Variants in KALRN observed in about 807,000 individuals in gnomAD.
The protein encoded by KALRN is kalirin RhoGEF kinase.
In KALRN, 70 loss-of-function variants were observed where a neutral mutation model predicts 353.7. That is an observed-to-expected ratio of 0.20 (90% CI 0.16 to 0.24). The LOEUF is 0.24. Ranked by LOEUF, KALRN falls within the 10% of genes least tolerant of loss-of-function variation. KALRN has a pLI of 1.00. For synonymous variants in KALRN, 1,391 were observed against 1,434.8 expected (o/e 0.97, Z 0.69); for missense variants, 2,791 against 3,756.7 (o/e 0.74, Z 6.72).
intron 1 of KALRN, among the ~76,000 whole-genome samples, chr3:124,062,014 T>A (rs562905947): frequency 1.1e-4 from 16 of 152,312 alleles, no homozygotes; most frequent in Middle Eastern, 3.4e-3. Context: ...GGGAGCTTGT[T>A]AGAAATGCAG....
chr3:124,680,378 T>C (rs1482731090), intron 51 of KALRN, among the ~76,000 whole-genome samples: 1 of 152,242 alleles, frequency 6.6e-6, no homozygotes. Flanking sequence ...ACAACCATGA[T>C]AAATTTACAA....
chr3:124,468,556 A>G (rs756564900), intron 25 of KALRN, among the ~76,000 whole-genome samples: 1 of 152,172 alleles, frequency 6.6e-6, no homozygotes, highest in South Asian at 2.1e-4. Context: ...CCCCACTCCA[A>G]ATGCCTTTGG....
At chr3:124,313,364 C>A (rs1423823976) in intron 6 of KALRN, among the ~76,000 whole-genome samples, 1 of 152,158 alleles carries the variant, frequency 6.6e-6, no homozygotes, top group Non-Finnish European at 1.5e-5. Context: ...CCTGTGATTG[C>A]AAAGTACTGC....
intron 1 of KALRN, among the ~76,000 whole-genome samples, chr3:124,093,252 G>A (rs2061231923): frequency 6.6e-6 from 1 of 152,248 alleles, no homozygotes; most frequent in Non-Finnish European, 1.5e-5. Context: ...AAGAGCTGGT[G>A]CTGAGGGAGA....
chr3:124,417,907 G>A (rs1362912627), intron 14 of KALRN, among the ~76,000 whole-genome samples: 2 of 152,224 alleles, frequency 1.3e-5, no homozygotes, highest in Admixed American at 1.3e-4. Flanking sequence ...GCATTCTGTT[G>A]AAGTTATTTG....
intron 57 of KALRN, among the ~76,000 whole-genome samples, chr3:124,707,789 T>A (rs1361668720): frequency 6.6e-6 from 1 of 152,096 alleles, no homozygotes; most frequent in Non-Finnish European, 1.5e-5. Context: ...GCCAGACAAC[T>A]TCAAAAAGGG....
At chr3:124,241,229 T>A (rs2080400215) in intron 3 of KALRN, among the ~76,000 whole-genome samples, 2 of 152,226 alleles carry the variant, frequency 1.3e-5, no homozygotes, top group African/African-American at 4.8e-5. Flanking sequence ...GTTCAGCACA[T>A]ATTTTCATAA....
chr3:124,494,832 G>C (rs945766838), intron 32 of KALRN, among the ~76,000 whole-genome samples: 1 of 152,180 alleles, frequency 6.6e-6, no homozygotes, highest in African/African-American at 2.4e-5. Flanking sequence ...TCATGTGGTA[G>C]GATTCTCAGG....
chr3:124,576,327 T>C (rs1462861134), intron 34 of KALRN, among the ~76,000 whole-genome samples: 1 of 152,066 alleles, frequency 6.6e-6, no homozygotes, highest in Non-Finnish European at 1.5e-5. Context: ...TCTAAAACAG[T>C]AGCTGCCATG....
chr3:124,257,453 T>C (rs1413415269), intron 3 of KALRN, among the ~76,000 whole-genome samples: 1 of 152,222 alleles, frequency 6.6e-6, no homozygotes, highest in Non-Finnish European at 1.5e-5. Context: ...AGTGCTTTTC[T>C]GAGATAGCAC....
intron 33 of KALRN, among the ~76,000 whole-genome samples, chr3:124,544,342 C>T (rs1373420725): frequency 2.6e-5 from 4 of 152,084 alleles, no homozygotes; most frequent in African/African-American, 9.7e-5. Context: ...GGGCAGATTA[C>T]CTGAGGTCAG....
Position 124,474,679 on chromosome 3 carries a change from C to T in KALRN, c.4048C>T (p.Leu1350=). Residue 1350 remains leucine (L), a synonymous_variant, in exon 26 of 60, where the codon CTG becomes TTG. Coordinates refer to ENST00000682506, the MANE Select transcript of KALRN (RefSeq NM_001388419.1). ...DFHNNIFLKE[L]EKYEQLPEDV... The stretch of plus-strand genomic sequence containing the variant: ...CTCTTGCAGCATCTTCCTCAAAGAG[C>T]TGGAGAAGTACGAGCAACTGCCTGA... 1 of 1,613,980 alleles carries T rather than the reference C, an allele frequency of 6.2e-7. No individual in the cohort carries two copies. Among genetic ancestry groups the T allele is most frequent in the Non-Finnish European group, 8.5e-7 (1 of 1,179,894 alleles).
rs751332634 is a variant in KALRN, at chr3:124,563,025, C to T, written c.5118C>T (p.Ser1706=). 6 of 1,367,882 alleles carry T rather than the reference C, an allele frequency of 4.4e-6. No homozygotes were observed. Among genetic ancestry groups the T allele is most frequent in the Non-Finnish European group, 4.9e-6 (5 of 1,022,002 alleles). The allele number at this position is 1,367,882 out of a possible 1,614,324, so 84.7% of individuals were successfully genotyped here. A position where few individuals can be genotyped will look rare whatever the true frequency, so the allele number is the denominator to read the frequency against. ...CCTTGGAGGGTCTGGTCCCCAGCAG[C>T]GCCCTGTGCATCTCACACTCCCGAA... is the stretch of plus-strand genomic sequence containing the variant. ...SPPLEGLVPS[S]ALCISHSRSS... is the part of the protein sequence containing the mutation. The change falls in exon 34 of 60, where the codon AGC becomes AGT. Residue 1706 remains serine (S), a synonymous_variant. Transcript: ENST00000682506.
rs1292123963 is a variant in KALRN at position 124,659,241 on chromosome 3, A to G, written c.6124-124A>G. The stretch of plus-strand genomic sequence containing the variant: ...TCTAGGCAATTTTACCTCTCACATT[A>G]CTTAAAGATTCTTCAACTTCATTGG... On this transcript the variant is annotated intron_variant, in intron 42 of 59. Coordinates refer to ENST00000682506, the MANE Select transcript of KALRN (RefSeq NM_001388419.1). The G allele has an allele frequency of 1.1e-5, 8 of 728,166 alleles. 1 individual carries two copies. The Admixed American group carries it at 1.6e-4, about 15-fold the overall frequency. The allele number at this position is 728,166 out of a possible 1,614,324, so 45.1% of individuals were successfully genotyped here. A position where few individuals can be genotyped will look rare whatever the true frequency, so the allele number is the denominator to read the frequency against.
intron 37 of KALRN, 144 bp downstream of exon 37, chr3:124,637,447 A>T (rs1466061628): frequency 1.5e-6 from 1 of 672,384 alleles, no homozygotes; most frequent in Non-Finnish European, 2.7e-6. Flanking sequence ...AAAAAGCTGT[A>T]CCCCAGAGTC....
At chr3:124,111,943 G>A (rs951965620) in intron 1 of KALRN, among the ~76,000 whole-genome samples, 11 of 152,136 alleles carry the variant, frequency 7.2e-5, no homozygotes. Context: ...CACTGAATGA[G>A]CTGGGTCCTT....
At chr3:124,270,912 C>T (rs193292925) in intron 5 of KALRN, among the ~76,000 whole-genome samples, 1 of 145,736 alleles carries the variant, frequency 6.9e-6, no homozygotes, top group East Asian at 2.1e-4. Context: ...TCACTGCAAG[C>T]TCCACCTCCC....
At chr3:124,206,101 G>T (rs975068103) in intron 1 of KALRN, among the ~76,000 whole-genome samples, 1 of 152,182 alleles carries the variant, frequency 6.6e-6, no homozygotes, top group Non-Finnish European at 1.5e-5. Flanking sequence ...CTGCTTATTG[G>T]TCAGCATAGG....
In KALRN at chr3:124,347,274, C is replaced by CTGTGTG. The variant is rs61359186; in HGVS notation, c.1770+51_1770+56dup. The CTGTGTG allele has an allele frequency of 0.012, 13,891 of 1,153,200 alleles. 1,086 individuals carry two copies. Among genetic ancestry groups the CTGTGTG allele is most frequent in the East Asian group, 0.12 (2,590 of 22,366 alleles). 71.4% of individuals were successfully genotyped at this position (1,153,200 alleles called of 1,614,324 possible). A position where few individuals can be genotyped will look rare whatever the true frequency, so the allele number is the denominator to read the frequency against. Reference sequence around the variant, plus strand: ...TTGAAGAGGTGGCTCAGGTGAGAAGCTGTGTGTGTGTGTGTGTGTGTGTGT... The same window carrying CTGTGTG: ...TTGAAGAGGTGGCTCAGGTGAGAAGCTGTGTGTGTGTGTGTGTGTGTGTGTGTGTGT... On this transcript the variant is annotated intron_variant, in intron 10 of 59. Transcript: ENST00000682506.
Sources: allele counts gnomAD v4.1 joint callset (sites outside exome capture counted in the v4.1 genomes callset), GRCh38; gene constraint gnomAD v4.1.1; transcripts MANE v1.5; gene names NCBI Gene and HGNC (gene_info 2026-07-23, HGNC 2026-07-21).